The following SMARCC1 variants were observed in gnomAD, a reference collection of about 807,000 sequenced individuals.
The protein encoded by SMARCC1 is SWI/SNF related BAF chromatin remodeling complex subunit C1.
A neutral mutation model predicts 147.4 loss-of-function variants in SMARCC1; 43 were observed. The ratio of observed to expected loss-of-function variants is 0.29; its 90% CI spans 0.23 to 0.38. The LOEUF (loss-of-function observed/expected upper bound fraction) is 0.38. SMARCC1 is among the 10% of genes least tolerant of loss of function. SMARCC1 has a pLI of 1.00. For missense variants in SMARCC1, 1,119 were observed against 1,381.1 expected, an observed-to-expected ratio of 0.81 and a Z score of 3.01; for synonymous variants, 495 against 484.4, an observed-to-expected ratio of 1.02 and a Z score of -0.29.
intron 2 of SMARCC1, among the ~76,000 whole-genome samples, chr3:47,750,559 C>T (rs945153760): frequency 6.6e-6 from 1 of 152,168 alleles, no homozygotes; most frequent in Non-Finnish European, 1.5e-5. Flanking sequence ...AAATGTTCTC[C>T]TCAAACCATG....
Position 47,780,176 on chromosome 3 carries a change from T to TTG in SMARCC1, c.195+1426_195+1427insCA, listed in dbSNP as rs543241606. ...GTCTTTGGTTTTTTTTTGTTTTTTT[T>TTG]TTTTTTTTTTTTTTGGAGACAGTCT... On this transcript the variant is annotated intron_variant, in intron 1 of 27. Coordinates refer to ENST00000254480, the MANE Select transcript of SMARCC1 (RefSeq NM_003074.4). Among the ~76,000 whole-genome samples the TTG allele has an allele frequency of 8.5e-3, 1,175 of 138,194 alleles. 8 individuals carry two copies. The highest frequency in any genetic ancestry group is 0.013 in the Non-Finnish European group (860 of 64,130). 90.7% of individuals were successfully genotyped at this position (138,194 alleles called of 152,430 possible).
chr3:47,689,461 G>T, intron 12 of SMARCC1, 37 bp from the exon 13 acceptor site: 2 of 1,575,566 alleles, frequency 1.3e-6, no homozygotes, highest in South Asian at 2.2e-5. Flanking sequence ...TTTAAAAACA[G>T]GTAAATGTTC....
chr3:47,615,991 G>GCTGGT (rs1346643036), intron 25 of SMARCC1, among the ~76,000 whole-genome samples: 1 of 152,128 alleles, frequency 6.6e-6, no homozygotes, highest in African/African-American at 2.4e-5. Context: ...GCCTCTGAAG[G>GCTGGT]TATAAAATTT....
At chr3:47,679,894 GA>G (rs1330637052) in intron 15 of SMARCC1, among the ~76,000 whole-genome samples, 1 of 146,370 alleles carries the variant, frequency 6.8e-6, no homozygotes, top group Non-Finnish European at 1.5e-5. Context: ...GAAAGAAAAA[GA>G]AAGTTGTGAG....
chr3:47,699,896 T>C (rs528647823), intron 11 of SMARCC1, among the ~76,000 whole-genome samples: 57 of 152,260 alleles, frequency 3.7e-4, no homozygotes, highest in African/African-American at 1.3e-3. Context: ...AATAATGTTC[T>C]GGTTTTCCTA....
At chr3:47,779,168 G>T (rs1171829765) in intron 1 of SMARCC1, among the ~76,000 whole-genome samples, 2 of 151,310 alleles carry the variant, frequency 1.3e-5, no homozygotes, top group Admixed American at 6.6e-5. Flanking sequence ...AGAGTTTGAG[G>T]TTGCAGTGAG....
intron 2 of SMARCC1, among the ~76,000 whole-genome samples, chr3:47,747,640 A>G (rs142107341): frequency 2.6e-5 from 4 of 151,640 alleles, no homozygotes; most frequent in African/African-American, 9.7e-5. Context: ...TCAAAAAACA[A>G]ATTTTTTTAT....
intron 21 of SMARCC1, among the ~76,000 whole-genome samples, chr3:47,654,210 CAG>C (rs2106725784): frequency 6.6e-6 from 1 of 152,268 alleles, no homozygotes; most frequent in Admixed American, 6.5e-5. Flanking sequence ...TCCATAACCA[CAG>C]AGAACCAAAA....
chr3:47,779,608 A>G (rs770505679), intron 1 of SMARCC1, among the ~76,000 whole-genome samples: 6 of 152,192 alleles, frequency 3.9e-5, no homozygotes, highest in Non-Finnish European at 7.3e-5. Flanking sequence ...AGTGGTCTCA[A>G]TACTGCTGGG....
chr3:47,747,887 G>A (rs2034584704), intron 2 of SMARCC1, among the ~76,000 whole-genome samples: 1 of 152,142 alleles, frequency 6.6e-6, no homozygotes, highest in Admixed American at 6.6e-5. Flanking sequence ...GCCAGGCATG[G>A]TGGCTCACGC....
At chr3:47,740,178 CTTTTTTTTTTTTTT>C (rs34523367) in intron 3 of SMARCC1, among the ~76,000 whole-genome samples, 1,014 of 35,808 alleles carry the variant, frequency 0.028, 39 homozygotes, top group South Asian at 0.067. Context: ...GCCCGGCCAT[CTTTTTTTTTTTTTT>C]TTTTTTTTTT....
At chr3:47,603,892 T>C (rs548378555) in intron 26 of SMARCC1, 1 of 390,762 alleles carries the variant, frequency 2.6e-6, no homozygotes, top group Non-Finnish European at 5.0e-6. Context: ...TGGGACACTA[T>C]AAGAGACAGG....
intron 2 of SMARCC1, among the ~76,000 whole-genome samples, chr3:47,769,036 C>T (rs1450475552): frequency 6.6e-6 from 1 of 150,518 alleles, no homozygotes; most frequent in East Asian, 2.0e-4. Context: ...CCTGGTGAAA[C>T]CTTGTCTCTA....
At chr3:47,763,641 T>TG (rs2034801358) in intron 2 of SMARCC1, among the ~76,000 whole-genome samples, 1 of 149,154 alleles carries the variant, frequency 6.7e-6, no homozygotes, top group African/African-American at 2.5e-5. Flanking sequence ...CCAGCTGAGA[T>TG]TTTTTTTTTA....
intron 21 of SMARCC1, among the ~76,000 whole-genome samples, chr3:47,649,139 A>G (rs575731178): frequency 4.6e-5 from 7 of 152,228 alleles, no homozygotes; most frequent in Non-Finnish European, 1.0e-4. Flanking sequence ...AATATAACAA[A>G]GAGAAAGAGA....
intron 11 of SMARCC1, among the ~76,000 whole-genome samples, chr3:47,699,229 C>T (rs140261134): frequency 2.6e-5 from 4 of 152,190 alleles, no homozygotes; most frequent in African/African-American, 9.6e-5. Flanking sequence ...GGGGCTTGAA[C>T]TGGTTATACT....
At chr3:47,755,093 C>T (rs1576432146) in intron 2 of SMARCC1, among the ~76,000 whole-genome samples, 2 of 151,678 alleles carry the variant, frequency 1.3e-5, no homozygotes, top group East Asian at 3.9e-4. Flanking sequence ...CGTCTGTAAT[C>T]CCAGCTACTC....
chr3:47,702,906 T>C (rs1036780124), intron 10 of SMARCC1, among the ~76,000 whole-genome samples: 1 of 150,452 alleles, frequency 6.6e-6, no homozygotes, highest in Non-Finnish European at 1.5e-5. Context: ...GCCCAAAAAG[T>C]TTTGTTTTCT....
chr3:47,693,232 G>A lies in SMARCC1; in HGVS notation c.1225+9C>T. 1 of 1,505,430 alleles carries A rather than the reference G, an allele frequency of 6.6e-7. No homozygotes were observed. The highest frequency in any genetic ancestry group is 9.2e-7 in the Non-Finnish European group (1 of 1,081,558). 93.3% of individuals were successfully genotyped at this position (1,505,430 alleles called of 1,614,324 possible). On this transcript the variant is annotated intron_variant, in intron 12 of 27. Coordinates refer to ENST00000254480, the MANE Select transcript of SMARCC1 (RefSeq NM_003074.4). Reference sequence around the variant, plus strand: ...AGCACAGACCAGTGTATAGATTTTAGGTGCTTACCTAGATCCGCTACAGTT... The same window carrying A: ...AGCACAGACCAGTGTATAGATTTTAAGTGCTTACCTAGATCCGCTACAGTT...
Sources: gnomAD v4.1 joint callset for allele counts (sites outside exome capture counted in the v4.1 genomes callset) on GRCh38, gnomAD v4.1.1 for gene constraint, MANE v1.5 for transcripts, NCBI Gene and HGNC (gene_info 2026-07-23, HGNC 2026-07-21) for gene names.